The following IL1RAPL1 variants were observed in gnomAD, a reference collection of about 807,000 sequenced individuals.
IL1RAPL1 encodes interleukin 1 receptor accessory protein like 1.
Under a neutral mutation model 48.4 loss-of-function variants are expected in IL1RAPL1, and 3 were observed. The ratio of observed to expected loss-of-function variants is 0.06; its 90% confidence interval spans 0.03 to 0.16. The LOEUF is 0.16. IL1RAPL1 is among the 10% of genes least tolerant of loss of function. The pLI, the probability that IL1RAPL1 is intolerant of heterozygous loss-of-function variation, is 1.00. For synonymous variants in IL1RAPL1, 185 were observed against 187.7 expected (o/e 0.99, Z 0.12); for missense variants, 349 against 530.6 (o/e 0.66, Z 3.36).
intron 5 of IL1RAPL1, among the ~76,000 whole-genome samples, chrX:29,664,723 T>A (rs1218915651): frequency 9.0e-6 from 1 of 111,663 alleles, no homozygotes; most frequent in East Asian, 2.8e-4. Context: ...TGTTTTACTT[T>A]TTACCGTTCC....
rs376272672 is a variant in IL1RAPL1 at position 29,368,736 on chromosome X, A to ATG, written c.363-27500_363-27499dup. On this transcript the variant is annotated intron_variant, in intron 3 of 10. Coordinates refer to ENST00000378993, the MANE Select transcript of IL1RAPL1 (RefSeq NM_014271.4). ...GAGCCAACATGCCCAGCCTCTGTGT[A>ATG]TGTGTGTGTGTGTGTGTGTGTGTTG... 7.9e-3 allele frequency among the ~76,000 whole-genome samples: 823 copies of ATG among 103,692 alleles called. 2 individuals are homozygous for ATG. Among genetic ancestry groups the ATG allele is most frequent in the African/African-American group, 9.9e-3 (283 of 28,446 alleles). The allele number at this position is 103,692 out of a possible 115,157, so 90.0% of individuals were successfully genotyped here.
chrX:29,788,587 T>C (rs1929558173), intron 6 of IL1RAPL1, among the ~76,000 whole-genome samples: 4 of 111,844 alleles, frequency 3.6e-5, no homozygotes, highest in Non-Finnish European at 7.5e-5. Context: ...ACATATAAAA[T>C]GTGTAATGAC....
rs976603282 is a variant in IL1RAPL1 at position 29,051,214 on chromosome X, A to G, written c.83-231724A>G. Among the ~76,000 whole-genome samples the G allele has an allele frequency of 3.6e-5, 4 of 112,091 alleles. No homozygotes were observed. In the South Asian group the frequency reaches 1.5e-3, roughly 42 times the overall value. On this transcript the variant is annotated intron_variant, in intron 2 of 10. Transcript: ENST00000378993. ...TAACAGTGTCGATATCTTTGCCTGA[A>G]GTAAGAATATTGAGGGAAAATAAAA...
intron 2 of IL1RAPL1, among the ~76,000 whole-genome samples, chrX:28,826,131 T>C (rs901359833): frequency 5.4e-5 from 6 of 111,910 alleles, no homozygotes; most frequent in Non-Finnish European, 9.4e-5. Context: ...GAAAGTAAAT[T>C]CTTATTTGAT....
In IL1RAPL1 at chrX:28,668,420, G is replaced by A. The variant is rs1029985912; in HGVS notation, c.-25+80373G>A. Reference sequence around the variant, plus strand: ...ATTACAGGCACACACCACCATACCCGGCTAATTTTTTGTATCTTTAGTAGA... The same window carrying A: ...ATTACAGGCACACACCACCATACCCAGCTAATTTTTTGTATCTTTAGTAGA... On this transcript the variant is annotated intron_variant, in intron 1 of 10. Transcript: ENST00000378993. Among the ~76,000 whole-genome samples, 5 of 111,801 alleles carry A rather than the reference G, an allele frequency of 4.5e-5. No homozygotes were observed. The East Asian group carries it at 1.4e-3, about 32-fold the overall frequency.
At chrX:29,902,694 C>T (rs1210453110) in intron 6 of IL1RAPL1, among the ~76,000 whole-genome samples, 2 of 111,100 alleles carry the variant, frequency 1.8e-5, no homozygotes, top group African/African-American at 6.5e-5. Flanking sequence ...TGAGCACTCA[C>T]CATGGGTACT....
At chrX:28,768,731 CTCTCTCTCTCTCTCTCTCTCTCTCTA>C (rs1936273605) in intron 1 of IL1RAPL1, among the ~76,000 whole-genome samples, 2 of 60,764 alleles carry the variant, frequency 3.3e-5, no homozygotes, top group Admixed American at 4.3e-4. Context: ...CTCTCTCTGT[CTCTCTCTCTCTCTCTCTCTCTCTCTA>C]TATATATATA....
At position 29,859,707 on chromosome X, in the gene IL1RAPL1, T is replaced by A. The variant is rs190539757; in HGVS notation, c.779-57757T>A. The stretch of plus-strand genomic sequence containing the variant: ...ATGAACAATATTTCTAGAAGAGTTA[T>A]AGATATTCTATACAAAATGAGTTCA... On this transcript the variant is annotated intron_variant, in intron 6 of 10. Coordinates refer to ENST00000378993, the MANE Select transcript of IL1RAPL1 (RefSeq NM_014271.4). Among the ~76,000 whole-genome samples, 142 of 112,398 alleles carry A rather than the reference T, an allele frequency of 1.3e-3. 2 individuals carry two copies. The highest frequency in any genetic ancestry group is 4.3e-3 in the African/African-American group (134 of 31,037).
chrX:29,410,982 A>T (rs1255693307), intron 5 of IL1RAPL1, among the ~76,000 whole-genome samples: 1 of 111,429 alleles, frequency 9.0e-6, no homozygotes, highest in Non-Finnish European at 1.9e-5. Context: ...GGTCAAAAAA[A>T]TCTCCAATTT....
At chrX:29,635,299 G>A (rs1031884496) in intron 5 of IL1RAPL1, among the ~76,000 whole-genome samples, 8 of 111,897 alleles carry the variant, frequency 7.1e-5, no homozygotes, top group South Asian at 3.7e-4. Context: ...AGGACACCAA[G>A]GGTAAAGATT....
chrX:28,934,784 A>G (rs112302036), intron 2 of IL1RAPL1, among the ~76,000 whole-genome samples: 1 of 111,884 alleles, frequency 8.9e-6, no homozygotes, highest in African/African-American at 3.2e-5. Flanking sequence ...ATCTGTTCAT[A>G]ATTTAATTGT....
Position 28,636,042 on chromosome X carries a change from A to G in IL1RAPL1, c.-25+47995A>G, listed in dbSNP as rs1934460272. ...GTATATTTATCTAGTCTATTGGTCT[A>G]TCCGTATTTTTCCATATCTCCAAAA... On this transcript the variant is annotated intron_variant, in intron 1 of 10. Transcript: ENST00000378993. Among the ~76,000 whole-genome samples, 3 of 111,240 alleles carry G rather than the reference A, an allele frequency of 2.7e-5. No homozygotes were observed. The Admixed American group carries it at 2.9e-4, about 11-fold the overall frequency.
intron 6 of IL1RAPL1, among the ~76,000 whole-genome samples, chrX:29,739,186 T>G (rs1243663457): frequency 8.9e-6 from 1 of 112,600 alleles, no homozygotes; most frequent in Non-Finnish European, 1.9e-5. Flanking sequence ...TCTAGATTCC[T>G]TTTTAGTTCT....
At chrX:29,834,283 G>A (rs2147189531) in intron 6 of IL1RAPL1, among the ~76,000 whole-genome samples, 1 of 111,290 alleles carries the variant, frequency 9.0e-6, no homozygotes, top group African/African-American at 3.3e-5. Context: ...CAACTCCATG[G>A]TCTGGTTCTA....
At chrX:29,261,829 A>G (rs1034781095) in intron 2 of IL1RAPL1, among the ~76,000 whole-genome samples, 2 of 111,438 alleles carry the variant, frequency 1.8e-5, no homozygotes, top group African/African-American at 6.5e-5. Context: ...GATGACCTCA[A>G]TCTGAAGTGG....
intron 2 of IL1RAPL1, among the ~76,000 whole-genome samples, chrX:29,141,006 A>G (rs1323224615): frequency 9.0e-6 from 1 of 111,052 alleles, no homozygotes; most frequent in Non-Finnish European, 1.9e-5. Context: ...TATCTGTCTT[A>G]TGCATTTACT....
intron 2 of IL1RAPL1, among the ~76,000 whole-genome samples, chrX:28,858,279 T>G (rs1208143866): frequency 8.9e-6 from 1 of 112,683 alleles, no homozygotes; most frequent in Non-Finnish European, 1.9e-5. Flanking sequence ...AGATTCAGAC[T>G]ATTACATAGA....
rs1393551931 is a variant in IL1RAPL1 at position 28,587,957 on chromosome X, A to G, written c.-115A>G. 8.9e-6 allele frequency: 1 copy of G among 111,789 alleles called. No individual in the cohort carries two copies. The highest frequency in any genetic ancestry group is 3.3e-5 in the African/African-American group (1 of 30,692). The allele number at this position is 111,789 out of a possible 1,213,427, so 9.2% of individuals were successfully genotyped here. A position where few individuals can be genotyped will look rare whatever the true frequency, so the allele number is the denominator to read the frequency against. Reference sequence around the variant, plus strand: ...AACAAGAAAAAGAACACAGGAGTAAAACGTGGATTTTTCTGAATACGCATT... The same window carrying G: ...AACAAGAAAAAGAACACAGGAGTAAGACGTGGATTTTTCTGAATACGCATT... On this transcript the variant is annotated 5_prime_UTR_variant, in exon 1 of 11. Coordinates refer to ENST00000378993, the MANE Select transcript of IL1RAPL1 (RefSeq NM_014271.4).
rs765058994 is a variant in IL1RAPL1 at position 29,241,705 on chromosome X, A to G, written c.83-41233A>G. 5.3e-5 allele frequency among the ~76,000 whole-genome samples: 6 copies of G among 112,313 alleles called. No homozygotes were observed. The East Asian group carries it at 1.7e-3, about 31-fold the overall frequency. On this transcript the variant is annotated intron_variant, in intron 2 of 10. Coordinates refer to ENST00000378993, the MANE Select transcript of IL1RAPL1 (RefSeq NM_014271.4). ...TTACTGTTTTCTGAGTTCAATTCCA[A>G]TGGAAATGGTAAATATGAAGGGGCC...
Sources: gnomAD v4.1 joint callset for allele counts (sites outside exome capture counted in the v4.1 genomes callset) on GRCh38, gnomAD v4.1.1 for gene constraint, MANE v1.5 for transcripts, NCBI Gene and HGNC (gene_info 2026-07-23, HGNC 2026-07-21) for gene names.